Variants in REC114 observed in about 807,000 individuals in gnomAD.
REC114 encodes meiotic recombination protein REC114.
A neutral mutation model predicts 31.3 loss-of-function variants in REC114; 27 were observed. That is an observed-to-expected ratio of 0.86 (90% CI 0.64 to 1.19). REC114 has a LOEUF of 1.19. Among genes scored for constraint, REC114 ranks in the 50% most tolerant of loss-of-function variants. The pLI, the probability that REC114 is intolerant of heterozygous loss-of-function variation, is 0.00. For missense variants in REC114, 344 were observed against 326.9 expected (o/e 1.05, Z -0.40); for synonymous variants, 134 against 127.7 (o/e 1.05, Z -0.33).
intron 2 of REC114, among the ~76,000 whole-genome samples, chr15:73,488,759 T>C (rs1444618995): frequency 6.6e-6 from 1 of 152,216 alleles, no homozygotes; most frequent in African/African-American, 2.4e-5. Flanking sequence ...AGGCTTTCTT[T>C]ATAGCCGTCC....
At chr15:73,549,040 G>A (rs962211670) in intron 3 of REC114, among the ~76,000 whole-genome samples, 4 of 152,106 alleles carry the variant, frequency 2.6e-5, no homozygotes, top group Admixed American at 6.6e-5. Flanking sequence ...GTAGAGGAAG[G>A]AGAGGATCAG....
intron 2 of REC114, among the ~76,000 whole-genome samples, chr15:73,475,331 T>A (rs780162991): frequency 1.3e-5 from 2 of 152,202 alleles, no homozygotes; most frequent in African/African-American, 2.4e-5. Flanking sequence ...CTCTGCAATT[T>A]GGTGCATGTT....
chr15:73,537,461 G>A (rs1894171569), intron 2 of REC114, among the ~76,000 whole-genome samples: 1 of 151,774 alleles, frequency 6.6e-6, no homozygotes, highest in Non-Finnish European at 1.5e-5. Flanking sequence ...CCTCTTCCTT[G>A]AGTTCATGCC....
At chr15:73,478,156 C>T (rs375078816) in intron 2 of REC114, among the ~76,000 whole-genome samples, 7 of 146,534 alleles carry the variant, frequency 4.8e-5, no homozygotes, top group African/African-American at 7.6e-5. Flanking sequence ...CCCAGTGACT[C>T]GGGAGGCTGA....
intron 2 of REC114, among the ~76,000 whole-genome samples, chr15:73,515,550 G>A (rs2141317300): frequency 6.6e-6 from 1 of 152,238 alleles, no homozygotes; most frequent in Non-Finnish European, 1.5e-5. Context: ...TTTGGAAGTG[G>A]GGGCCTTTGG....
At chr15:73,472,553 A>G (rs1893146059) in intron 1 of REC114, among the ~76,000 whole-genome samples, 1 of 152,144 alleles carries the variant, frequency 6.6e-6, no homozygotes, top group South Asian at 2.1e-4. Context: ...TGAATTAGGT[A>G]TGTGTTAATT....
intron 3 of REC114, among the ~76,000 whole-genome samples, chr15:73,548,577 T>C (rs1328579727): frequency 2.6e-5 from 4 of 152,094 alleles, no homozygotes; most frequent in Non-Finnish European, 5.9e-5. Context: ...TGCTGGCGAG[T>C]TGTACTTATA....
At chr15:73,452,314 A>C (rs1892861397) in intron 1 of REC114, among the ~76,000 whole-genome samples, 1 of 152,210 alleles carries the variant, frequency 6.6e-6, no homozygotes. Flanking sequence ...GTGTGCAAAA[A>C]TCACAAGCAT....
At chr15:73,496,351 CAAAAAA>C (rs539098846) in intron 2 of REC114, among the ~76,000 whole-genome samples, 14 of 20,508 alleles carry the variant, frequency 6.8e-4, no homozygotes, top group Non-Finnish European at 1.3e-3. Context: ...GACTCCTTCT[CAAAAAA>C]AAAAAAAAAA....
chr15:73,510,967 T>C (rs1393403946), intron 2 of REC114, among the ~76,000 whole-genome samples: 1 of 152,230 alleles, frequency 6.6e-6, no homozygotes, highest in African/African-American at 2.4e-5. Context: ...TAAAATGAGT[T>C]AGGGAGGATT....
chr15:73,513,448 C>T (rs1276698017), intron 2 of REC114, among the ~76,000 whole-genome samples: 1 of 148,894 alleles, frequency 6.7e-6, no homozygotes, highest in Admixed American at 6.7e-5. Flanking sequence ...CTCAGCTCGT[C>T]AAAGTCATTC....
intron 2 of REC114, among the ~76,000 whole-genome samples, chr15:73,514,420 G>GGGAGCTGTAGACC (rs1893829014): frequency 6.6e-6 from 1 of 152,044 alleles, no homozygotes; most frequent in South Asian, 2.1e-4. Context: ...CGCTCACGCT[G>GGGAGCTGTAGACC]GGAGCTGTAG....
chr15:73,559,495 C>T (rs1181109132), intron 5 of REC114, among the ~76,000 whole-genome samples: 3 of 152,172 alleles, frequency 2.0e-5, no homozygotes, highest in African/African-American at 7.2e-5. Flanking sequence ...GCAAACATTT[C>T]ATCAGTACAT....
chr15:73,501,475 C>T (rs1025346726), intron 2 of REC114, among the ~76,000 whole-genome samples: 9 of 152,268 alleles, frequency 5.9e-5, no homozygotes, highest in East Asian at 1.9e-4. Flanking sequence ...GGCAGAGTCT[C>T]GCTCTGTCTC....
chr15:73,450,709 T>C (rs1892833456), intron 1 of REC114, among the ~76,000 whole-genome samples: 1 of 152,168 alleles, frequency 6.6e-6, no homozygotes, highest in East Asian at 1.9e-4. Context: ...ATCACACTTA[T>C]TCTAAAATTG....
intron 2 of REC114, among the ~76,000 whole-genome samples, chr15:73,508,526 G>A (rs1231035564): frequency 6.8e-6 from 1 of 147,336 alleles, no homozygotes; most frequent in Admixed American, 6.8e-5. Flanking sequence ...CATGTGCCAT[G>A]CTGGTGAGCT....
chr15:73,541,233 G>T (rs1894233577), intron 3 of REC114, among the ~76,000 whole-genome samples: 1 of 152,082 alleles, frequency 6.6e-6, no homozygotes, highest in African/African-American at 2.4e-5. Context: ...AACTTCCATG[G>T]ATTTTCACTG....
chr15:73,557,348 G>C (rs1166738881), intron 5 of REC114, among the ~76,000 whole-genome samples: 1 of 150,226 alleles, frequency 6.7e-6, no homozygotes, highest in African/African-American at 2.5e-5. Flanking sequence ...AGGATTACAG[G>C]TGTTAGCCAC....
chr15:73,542,451 C>G (rs968353919), intron 3 of REC114, among the ~76,000 whole-genome samples: 2 of 152,068 alleles, frequency 1.3e-5, no homozygotes, highest in African/African-American at 4.8e-5. Context: ...GCCTCTCCCT[C>G]TTGGGTGCAG....
Sources: gnomAD v4.1 joint callset for allele counts (sites outside exome capture counted in the v4.1 genomes callset) on GRCh38, gnomAD v4.1.1 for gene constraint, MANE v1.5 for transcripts, NCBI Gene and HGNC (gene_info 2026-07-23, HGNC 2026-07-21) for gene names.